ZRANB3: variants seen among roughly 807,000 people sequenced by gnomAD.
The protein encoded by ZRANB3 is DNA annealing helicase and endonuclease ZRANB3.
ZRANB3 carries 125 observed loss-of-function variants against 133.8 expected under a neutral mutation model. That is an observed-to-expected ratio of 0.93 (90% CI 0.81 to 1.08). The LOEUF is 1.08. ZRANB3 is among the 50% of genes least tolerant of loss of function. The pLI is 0.00. For synonymous variants in ZRANB3, 387 were observed against 432.7 expected (o/e 0.89, Z 1.31); for missense variants, 1,229 against 1,275.5 (o/e 0.96, Z 0.56).
chr2:135,314,359 T>C (rs576623430), intron 7 of ZRANB3, among the ~76,000 whole-genome samples: 20 of 152,232 alleles, frequency 1.3e-4, no homozygotes, highest in Non-Finnish European at 2.6e-4. Flanking sequence ...TATTTTTCTT[T>C]CTAATACTAA....
chr2:135,243,011 T>G (rs1322713522), intron 12 of ZRANB3, among the ~76,000 whole-genome samples: 1 of 152,232 alleles, frequency 6.6e-6, no homozygotes, highest in Non-Finnish European at 1.5e-5. Context: ...TTGTTTTGGT[T>G]TCTGTTTTTC....
At chr2:135,459,365 A>C (rs1690666872) in intron 2 of ZRANB3, among the ~76,000 whole-genome samples, 2 of 152,210 alleles carry the variant, frequency 1.3e-5, no homozygotes, top group South Asian at 4.1e-4. Flanking sequence ...TTACTGAGAC[A>C]ATGTCAGTGC....
At chr2:135,480,472 CA>C (rs1201449487) in intron 2 of ZRANB3, among the ~76,000 whole-genome samples, 1 of 151,902 alleles carries the variant, frequency 6.6e-6, no homozygotes, top group African/African-American at 2.4e-5. Context: ...GAAAACTTTT[CA>C]ATTTTAGGAG....
At chr2:135,463,436 A>G (rs1690847755) in intron 2 of ZRANB3, among the ~76,000 whole-genome samples, 1 of 148,224 alleles carries the variant, frequency 6.7e-6, no homozygotes. Context: ...TTTTTTTTTG[A>G]GACGGAGTTT....
chr2:135,326,400 T>C (rs1236632445), intron 6 of ZRANB3, among the ~76,000 whole-genome samples: 1 of 152,194 alleles, frequency 6.6e-6, no homozygotes, highest in Non-Finnish European at 1.5e-5. Flanking sequence ...ATGCAATTAA[T>C]TTTAATTTTT....
intron 8 of ZRANB3, among the ~76,000 whole-genome samples, chr2:135,291,933 T>C (rs987692313): frequency 9.8e-5 from 15 of 152,346 alleles, no homozygotes; most frequent in South Asian, 2.1e-4. Context: ...ACTCATCATT[T>C]TTTAGGGCTG....
At chr2:135,392,526 G>T (rs1473026103) in intron 2 of ZRANB3, among the ~76,000 whole-genome samples, 2 of 152,112 alleles carry the variant, frequency 1.3e-5, no homozygotes, top group Non-Finnish European at 2.9e-5. Context: ...GAGGTGACTG[G>T]ATCACCTGAG....
chr2:135,267,470 G>T (rs1280158931), intron 11 of ZRANB3, among the ~76,000 whole-genome samples: 2 of 151,874 alleles, frequency 1.3e-5, no homozygotes, highest in Admixed American at 6.6e-5. Context: ...TTTTAGAAGA[G>T]GGTGGGAAAG....
chr2:135,209,163 T>C (rs932975134), intron 17 of ZRANB3, among the ~76,000 whole-genome samples, 185 bp from the exon 18 acceptor site: 10 of 152,212 alleles, frequency 6.6e-5, no homozygotes, highest in African/African-American at 2.4e-4. Context: ...ATGTGAGAAA[T>C]ACATCTCTTT....
At chr2:135,312,710 A>T (rs967469030) in intron 8 of ZRANB3, among the ~76,000 whole-genome samples, 3 of 152,226 alleles carry the variant, frequency 2.0e-5, no homozygotes, top group Admixed American at 1.3e-4. Flanking sequence ...AACCATGGGA[A>T]TACTAATAAT....
intron 3 of ZRANB3, among the ~76,000 whole-genome samples, chr2:135,364,176 C>G (rs936431802): frequency 2.6e-5 from 4 of 152,032 alleles, no homozygotes; most frequent in Non-Finnish European, 5.9e-5. Context: ...AAAAATGATT[C>G]TTATGTGGAT....
intron 8 of ZRANB3, among the ~76,000 whole-genome samples, chr2:135,278,073 T>A (rs1680927296): frequency 6.6e-6 from 1 of 151,640 alleles, no homozygotes; most frequent in African/African-American, 2.4e-5. Context: ...AGAAATAAAG[T>A]TCTACATAAC....
intron 1 of ZRANB3, among the ~76,000 whole-genome samples, chr2:135,512,709 A>T (rs1693519042): frequency 6.6e-6 from 1 of 151,876 alleles, no homozygotes; most frequent in African/African-American, 2.4e-5. Flanking sequence ...CATAGGTTTC[A>T]GGCAAAAAAA....
intron 12 of ZRANB3, among the ~76,000 whole-genome samples, chr2:135,255,915 T>A (rs1397957144): frequency 1.0e-4 from 13 of 129,904 alleles, no homozygotes; most frequent in African/African-American, 5.8e-4. Flanking sequence ...CATTAAAATT[T>A]TTTTTTTTTT....
At chr2:135,527,508 A>C (rs1694211608) in intron 1 of ZRANB3, among the ~76,000 whole-genome samples, 1 of 152,116 alleles carries the variant, frequency 6.6e-6, no homozygotes, top group South Asian at 2.1e-4. Flanking sequence ...GCAGTGAGCC[A>C]CTGTACTCCA....
chr2:135,291,073 G>A lies in ZRANB3; in HGVS notation c.967-15318C>T, dbSNP rs535989487. ...GATGGGGTTTCACCATGCTGGCCAGGTTGCTCTTGAACTCGTGACCTCAGG... is the reference window on the plus strand; with the variant it reads ...GATGGGGTTTCACCATGCTGGCCAGATTGCTCTTGAACTCGTGACCTCAGG... On this transcript the variant is annotated intron_variant, in intron 8 of 20. Coordinates refer to ENST00000264159, the MANE Select transcript of ZRANB3 (RefSeq NM_032143.4). Among the ~76,000 whole-genome samples the A allele has an allele frequency of 7.2e-5, 11 of 152,148 alleles. No individual in the cohort carries two copies. The South Asian group carries it at 2.1e-3, about 29-fold the overall frequency.
rs550388770 is a variant in ZRANB3 at position 135,219,165 on chromosome 2, A to C, written c.2264T>G (p.Met755Arg). 3.9e-6 allele frequency: 6 copies of C among 1,527,226 alleles called. No individual in the cohort carries two copies. The Admixed American group carries it at 7.5e-5, about 19-fold the overall frequency. The allele number at this position is 1,527,226 out of a possible 1,614,324, so 94.6% of individuals were successfully genotyped here. Residue 755 changes from methionine (M) to arginine (R), a missense_variant, in exon 16 of 21, where the codon ATG (methionine) becomes AGG (arginine). Met to Arg is a moderately conservative substitution (Grantham distance 91, BLOSUM62 -1). Coordinates refer to ENST00000264159, the MANE Select transcript of ZRANB3 (RefSeq NM_032143.4). ...IHIYTKDGKQ[M>R]SCNFIPLDIK... ...ATCCAGAGGAATGAAATTACAGCTC[A>C]TCTGTTTTCCATCCTGATGATAGAT...
chr2:135,361,450 A>C (rs954856153), intron 3 of ZRANB3, among the ~76,000 whole-genome samples: 3 of 152,230 alleles, frequency 2.0e-5, no homozygotes. Flanking sequence ...CTATGAAATT[A>C]TTAAGAGCAA....
At chr2:135,529,114 C>T (rs1483673761) in intron 1 of ZRANB3, among the ~76,000 whole-genome samples, 1 of 152,102 alleles carries the variant, frequency 6.6e-6, no homozygotes, top group Non-Finnish European at 1.5e-5. Context: ...CAGTGTTAAG[C>T]GCTCATACCA....
Sources: allele counts gnomAD v4.1 joint callset (sites outside exome capture counted in the v4.1 genomes callset), GRCh38; gene constraint gnomAD v4.1.1; transcripts MANE v1.5; gene names NCBI Gene and HGNC (gene_info 2026-07-23, HGNC 2026-07-21).